The following LRRC4C variants were observed in gnomAD, a reference collection of about 807,000 sequenced individuals.
LRRC4C encodes the protein leucine-rich repeat-containing protein 4C.
LRRC4C carries 5 observed loss-of-function variants against 33.6 expected under a neutral mutation model. The observed-to-expected ratio is 0.15, with a 90% CI of 0.08 to 0.31. The LOEUF is 0.31. Among genes scored for constraint, LRRC4C ranks in the 10% least tolerant of loss-of-function variants. The pLI is 1.00. For missense variants in LRRC4C, 560 were observed against 796.7 expected, an observed-to-expected ratio of 0.70 and a Z score of 3.58; for synonymous variants, 329 against 302.0, an observed-to-expected ratio of 1.09 and a Z score of -0.93.
At chr11:41,072,331 AATC>A (rs1938759770) in intron 1 of LRRC4C, among the ~76,000 whole-genome samples, 1 of 150,674 alleles carries the variant, frequency 6.6e-6, no homozygotes, top group Admixed American at 6.6e-5. Flanking sequence ...AGGCTCAGAT[AATC>A]ATTAGCAATT....
chr11:40,472,868 A>C (rs181121724), intron 3 of LRRC4C, among the ~76,000 whole-genome samples: 1 of 152,344 alleles, frequency 6.6e-6, no homozygotes, highest in East Asian at 1.9e-4. Flanking sequence ...AAAATGGATA[A>C]ATTCCTGGAC....
Position 40,552,239 on chromosome 11 carries a change from C to T in LRRC4C, c.-270+95903G>A, listed in dbSNP as rs1029364960. 2.6e-5 allele frequency among the ~76,000 whole-genome samples: 4 copies of T among 152,170 alleles called. No individual in the cohort carries two copies. In the South Asian group the frequency reaches 8.3e-4, roughly 32 times the overall value. On this transcript the variant is annotated intron_variant, in intron 3 of 6. Coordinates refer to ENST00000528697, the MANE Select transcript of LRRC4C (RefSeq NM_001258419.2). Reference sequence around the variant, plus strand: ...CTGACTACTACAGGGCTCAAACATACATTTGTTGAATGTATGAATACATCA... The same window carrying T: ...CTGACTACTACAGGGCTCAAACATATATTTGTTGAATGTATGAATACATCA...
At chr11:41,016,494 G>A (rs1389457676) in intron 1 of LRRC4C, among the ~76,000 whole-genome samples, 1 of 152,118 alleles carries the variant, frequency 6.6e-6, no homozygotes, top group Non-Finnish European at 1.5e-5. Flanking sequence ...ATAAACAATA[G>A]GCCTTTGAAC....
chr11:40,624,882 T>C (rs572051609), intron 3 of LRRC4C, among the ~76,000 whole-genome samples: 14 of 152,278 alleles, frequency 9.2e-5, no homozygotes, highest in African/African-American at 3.4e-4. Flanking sequence ...GTTTTCCTAT[T>C]TTAAAATAAG....
intron 2 of LRRC4C, among the ~76,000 whole-genome samples, chr11:40,663,112 ACT>A (rs1447066341): frequency 1.3e-5 from 2 of 152,076 alleles, no homozygotes; most frequent in African/African-American, 4.8e-5. Flanking sequence ...ACGGAGTCTC[ACT>A]CTGTTGCCCA....
intron 3 of LRRC4C, among the ~76,000 whole-genome samples, chr11:40,351,393 T>C (rs1174613034): frequency 6.6e-6 from 1 of 152,052 alleles, no homozygotes; most frequent in South Asian, 2.1e-4. Flanking sequence ...GGATGAAATA[T>C]TCATAAATAT....
Position 40,115,908 on chromosome 11 carries a change from G to T in LRRC4C, c.385C>A (p.Leu129Met). 2 of 1,614,124 alleles carry T rather than the reference G, an allele frequency of 1.2e-6. No individual in the cohort carries two copies. Among genetic ancestry groups the T allele is most frequent in the Non-Finnish European group, 1.7e-6 (2 of 1,180,010 alleles). ...GTAAGACGATTGTCAAAGAGTTCCA[G>T]AGTGTTGAGGTTCGCCAGACCATTG... Reference protein sequence around the residue: ...AFNGLANLNTLELFDNRLTTI... With the variant: ...AFNGLANLNTMELFDNRLTTI... Residue 129 changes from leucine (L) to methionine (M), a missense_variant, in exon 7 of 7, where the codon CTG (leucine) becomes ATG (methionine). Physicochemically the swap from Leu to Met is conservative, Grantham distance 15 (BLOSUM62 2). Around this residue, in one of 3 missense-constraint regions of LRRC4C, gnomAD observed 455 missense variants for 643.8 expected, o/e 0.71. Transcript: ENST00000528697. This position sits in a 1 kb window ranked among gnomAD's most constrained non-coding sequence, Gnocchi z 6.7.
chr11:40,316,922 T>A (rs11035780), intron 4 of LRRC4C, among the ~76,000 whole-genome samples: 1,884 of 86,588 alleles, frequency 0.022, 67 homozygotes, highest in African/African-American at 0.073. Flanking sequence ...TTTAAAAAAA[T>A]TTAGTTCCCT....
chr11:41,139,280 T>C (rs1329521660), intron 1 of LRRC4C, among the ~76,000 whole-genome samples: 2 of 152,226 alleles, frequency 1.3e-5, no homozygotes, highest in South Asian at 4.1e-4. Context: ...AAGGGACTTA[T>C]ATACAATGTC....
chr11:41,284,664 C>A (rs1304269417), intron 1 of LRRC4C, among the ~76,000 whole-genome samples: 1 of 152,146 alleles, frequency 6.6e-6, no homozygotes, highest in Non-Finnish European at 1.5e-5. Context: ...TGTTAAAAAT[C>A]CCCTTATTCT....
At chr11:40,626,058 G>C (rs543732011) in intron 3 of LRRC4C, among the ~76,000 whole-genome samples, 61 of 152,174 alleles carry the variant, frequency 4.0e-4, no homozygotes, top group Non-Finnish European at 6.3e-4. Context: ...TAGAGTACAA[G>C]GCCCAACATG....
At chr11:41,028,570 G>GACACACACACACACACACACAC (rs57827895) in intron 1 of LRRC4C, among the ~76,000 whole-genome samples, 1 of 147,314 alleles carries the variant, frequency 6.8e-6, no homozygotes, top group Non-Finnish European at 1.5e-5. Context: ...TAGTATTCAC[G>GACACACACACACACACACACAC]ACACACACAC....
At chr11:40,739,890 ATATG>A (rs754327574) in intron 2 of LRRC4C, among the ~76,000 whole-genome samples, 7 of 151,744 alleles carry the variant, frequency 4.6e-5, no homozygotes, top group African/African-American at 9.7e-5. Flanking sequence ...GACTAATATG[ATATG>A]TATGTATGTA....
At chr11:40,627,190 T>G (rs1190228386) in intron 3 of LRRC4C, among the ~76,000 whole-genome samples, 1 of 151,444 alleles carries the variant, frequency 6.6e-6, no homozygotes, top group Non-Finnish European at 1.5e-5. Flanking sequence ...TAAGGGAAAT[T>G]ATTAAGATAA....
At chr11:40,838,311 C>T (rs1009709451) in intron 2 of LRRC4C, among the ~76,000 whole-genome samples, 8 of 152,270 alleles carry the variant, frequency 5.3e-5, no homozygotes, top group African/African-American at 1.9e-4. Context: ...ATTTACTTGG[C>T]ATTTTTAATT....
At chr11:40,131,599 G>C (rs967670207) in intron 6 of LRRC4C, among the ~76,000 whole-genome samples, 1 of 152,118 alleles carries the variant, frequency 6.6e-6, no homozygotes, top group African/African-American at 2.4e-5. Context: ...AAAAATCAGA[G>C]ACACAAATTT....
At chr11:41,323,718 G>A (rs543146821) in intron 1 of LRRC4C, among the ~76,000 whole-genome samples, 1 of 152,280 alleles carries the variant, frequency 6.6e-6, no homozygotes, top group Non-Finnish European at 1.5e-5. Context: ...TCTTACATCT[G>A]AGAGAATTAC....
At chr11:40,918,541 C>A (rs1957052405) in intron 2 of LRRC4C, among the ~76,000 whole-genome samples, 1 of 151,958 alleles carries the variant, frequency 6.6e-6, no homozygotes, top group Non-Finnish European at 1.5e-5. Context: ...TTTTTAGCAA[C>A]CTTCTTTTAG....
chr11:40,238,457 G>T (rs138999405), intron 5 of LRRC4C, among the ~76,000 whole-genome samples: 1 of 152,076 alleles, frequency 6.6e-6, no homozygotes, highest in Non-Finnish European at 1.5e-5. Flanking sequence ...CCACAGCCCC[G>T]TTCTGTTTAG....
Sources: allele counts gnomAD v4.1 joint callset (sites outside exome capture counted in the v4.1 genomes callset), GRCh38; gene constraint gnomAD v4.1.1; regional missense constraint gnomAD v4.1.1; non-coding constraint Gnocchi (gnomAD v3.1); transcripts MANE v1.5; gene names NCBI Gene and HGNC (gene_info 2026-07-23, HGNC 2026-07-21).